ARAP2: variants seen among roughly 807,000 people sequenced by gnomAD.
The protein encoded by ARAP2 is ArfGAP with RhoGAP domain, ankyrin repeat and PH domain 2, also known as arf-GAP with Rho-GAP domain, ANK repeat and PH domain-containing protein 2.
A neutral mutation model predicts 194.5 loss-of-function variants in ARAP2; 148 were observed. That is an observed-to-expected ratio of 0.76 (90% CI 0.67 to 0.87). The LOEUF is 0.87. Among genes scored for constraint, ARAP2 ranks in the 40% least tolerant of loss-of-function variants. The pLI, the probability that ARAP2 is intolerant of heterozygous loss-of-function variation, is 0.00. For missense variants in ARAP2, 2,128 were observed against 1,989.7 expected (o/e 1.07, Z -1.32); for synonymous variants, 695 against 683.5 (o/e 1.02, Z -0.26).
At chr4:36,043,813 G>GGGAAT (rs1721287819) in intron 5 of ARAP2, among the ~76,000 whole-genome samples, 1 of 63,674 alleles carries the variant, frequency 1.6e-5, no homozygotes, top group Non-Finnish European at 3.4e-5. Context: ...GGGAAGGGAA[G>GGGAAT]GGAAGGGAAG....
intron 11 of ARAP2, among the ~76,000 whole-genome samples, chr4:36,163,110 G>A (rs757287923): frequency 4.6e-5 from 7 of 152,122 alleles, no homozygotes; most frequent in Admixed American, 1.3e-4. Context: ...GTCCAACAGC[G>A]TGAGAATCAT....
At chr4:36,091,786 G>A in intron 28 of ARAP2, 95 bp downstream of exon 28, 5 of 1,328,708 alleles carry the variant, frequency 3.8e-6, no homozygotes, top group Non-Finnish European at 5.0e-6. Context: ...ATATACTACA[G>A]GCAGTGACTT....
intron 22 of ARAP2, among the ~76,000 whole-genome samples, chr4:36,123,399 G>A (rs1318169770): frequency 1.3e-5 from 2 of 151,744 alleles, no homozygotes; most frequent in Non-Finnish European, 2.9e-5. Flanking sequence ...TATCTTTAAG[G>A]ACATTCCTGC....
intron 11 of ARAP2, among the ~76,000 whole-genome samples, chr4:36,163,122 T>C (rs540934526): frequency 1.3e-5 from 2 of 152,294 alleles, no homozygotes; most frequent in East Asian, 1.9e-4. Context: ...GAGAATCATT[T>C]GCTTAAAAAT....
rs559556466 is a variant in ARAP2, at chr4:36,013,960, C to T, written n.1057-1129G>A. 2.9e-4 allele frequency among the ~76,000 whole-genome samples: 44 copies of T among 152,118 alleles called. 1 individual carries two copies. Among genetic ancestry groups the T allele is most frequent in the African/African-American group, 9.9e-4 (41 of 41,492 alleles). On this transcript the variant is annotated intron_variant and non_coding_transcript_variant, in intron 8 of 12. Coordinates refer to the ARAP2 transcript ENST00000503225. ...AAATTAAGTAGCAACTGGCTGAGCA[C>T]GGTGGCTCACGCCTGTAATCCTTTG... is the stretch of plus-strand genomic sequence containing the variant.
At position 36,100,117 on chromosome 4, in the gene ARAP2, G is replaced by A. The variant is rs57608992; in HGVS notation, c.4285+7448C>T. 5.2e-3 allele frequency among the ~76,000 whole-genome samples: 796 copies of A among 152,132 alleles called. 8 individuals carry two copies. The highest frequency in any genetic ancestry group is 0.018 in the African/African-American group (749 of 41,528). ...CTGTTTCTCCACTTATCAGCAGGTC[G>A]CCTTGAAAGAGTTATGTAATACCGC... On this transcript the variant is annotated intron_variant, in intron 27 of 32. Coordinates refer to ENST00000303965, the MANE Select transcript of ARAP2 (RefSeq NM_015230.4).
At chr4:36,119,815 A>C in intron 23 of ARAP2, 97 bp from the exon 24 acceptor site, 1 of 815,578 alleles carries the variant, frequency 1.2e-6, no homozygotes, top group South Asian at 2.1e-5. Flanking sequence ...AATACTAACA[A>C]CTTAAAAATA....
At chr4:36,203,529 A>T (rs1374272100) in intron 6 of ARAP2, among the ~76,000 whole-genome samples, 2 of 152,158 alleles carry the variant, frequency 1.3e-5, no homozygotes, top group Non-Finnish European at 2.9e-5. Flanking sequence ...GGTTGCAGTG[A>T]GCCAAGATCG....
At chr4:36,075,369 T>C (rs1460181180) in intron 31 of ARAP2, among the ~76,000 whole-genome samples, 1 of 152,172 alleles carries the variant, frequency 6.6e-6, no homozygotes, top group Non-Finnish European at 1.5e-5. Context: ...TGATGTGTTC[T>C]GATTTAACAT....
intron 6 of ARAP2, among the ~76,000 whole-genome samples, chr4:36,202,718 T>TA (rs1276327841): frequency 6.6e-6 from 1 of 152,154 alleles, no homozygotes; most frequent in Non-Finnish European, 1.5e-5. Context: ...AGCTTCCAGT[T>TA]AAAAATCTCA....
chr4:36,051,504 CAAT>C (rs1297768743), intron 3 of ARAP2, among the ~76,000 whole-genome samples: 4 of 151,556 alleles, frequency 2.6e-5, no homozygotes, highest in African/African-American at 7.3e-5. Flanking sequence ...TAAATAATAA[CAAT>C]AATAATAATA....
chr4:36,082,366 G>C, intron 29 of ARAP2, 80 bp from the exon 30 acceptor site: 2 of 1,410,264 alleles, frequency 1.4e-6, no homozygotes, highest in Admixed American at 2.1e-5. Flanking sequence ...TAGATGTTAA[G>C]GAGATGAGAT....
intron 5 of ARAP2, among the ~76,000 whole-genome samples, chr4:36,023,908 T>A (rs1378403215): frequency 6.6e-6 from 1 of 152,082 alleles, no homozygotes; most frequent in Admixed American, 6.6e-5. Flanking sequence ...AAATGACGTT[T>A]GTTTTTTGTT....
At chr4:36,024,757 C>G (rs1326499946) in intron 5 of ARAP2, among the ~76,000 whole-genome samples, 2 of 152,010 alleles carry the variant, frequency 1.3e-5, no homozygotes, top group African/African-American at 2.4e-5. Context: ...ATTTCACAAC[C>G]TATTCAATAT....
At position 36,129,454 on chromosome 4, in the gene ARAP2, C is replaced by G. The variant is rs560105394; in HGVS notation, c.3428-709G>C. ...TGCCCAATCCCCATTCTGTTGGGGT[C>G]ACCCTTCATCAATAATATTAACAAT... On this transcript the variant is annotated intron_variant, in intron 20 of 32. Coordinates refer to ENST00000303965, the MANE Select transcript of ARAP2 (RefSeq NM_015230.4). Among the ~76,000 whole-genome samples, 4 of 151,994 alleles carry G rather than the reference C, an allele frequency of 2.6e-5. No individual in the cohort carries two copies. The East Asian group carries it at 7.8e-4, about 30-fold the overall frequency.
At chr4:36,156,379 A>AAG (rs1280594239) in intron 15 of ARAP2, among the ~76,000 whole-genome samples, 1 of 7,820 alleles carries the variant, frequency 1.3e-4, no homozygotes, top group African/African-American at 5.9e-4. Flanking sequence ...GGGAGGGGGA[A>AAG]AGAGAGAGAG....
At chr4:36,096,327 T>G (rs1715228858) in intron 27 of ARAP2, among the ~76,000 whole-genome samples, 1 of 137,824 alleles carries the variant, frequency 7.3e-6, no homozygotes, top group South Asian at 2.2e-4. Context: ...ATTGTGCCAG[T>G]GCATTCCAGT....
intron 1 of ARAP2, among the ~76,000 whole-genome samples, chr4:36,233,268 G>C (rs1002099432): frequency 2.0e-5 from 3 of 152,136 alleles, no homozygotes; most frequent in African/African-American, 7.2e-5. Context: ...ATACGAAATT[G>C]AAGCTCTCCA....
At chr4:36,117,214 A>C in intron 24 of ARAP2, 79 bp from the exon 25 acceptor site, 2 of 953,164 alleles carry the variant, frequency 2.1e-6, no homozygotes, top group Non-Finnish European at 3.0e-6. Flanking sequence ...ACAGCTATAA[A>C]GCCCCAGTCA....
Sources: allele counts gnomAD v4.1 joint callset (sites outside exome capture counted in the v4.1 genomes callset), GRCh38; gene constraint gnomAD v4.1.1; transcripts MANE v1.5; gene names NCBI Gene and HGNC (gene_info 2026-07-23, HGNC 2026-07-21).